AGO2: variants seen among roughly 807,000 people sequenced by gnomAD.
AGO2 encodes argonaute RISC catalytic component 2, also known as protein argonaute-2.
AGO2 carries 5 observed loss-of-function variants against 102.3 expected under a neutral mutation model. The ratio of observed to expected loss-of-function variants is 0.05; its 90% CI spans 0.03 to 0.10. The LOEUF (loss-of-function observed/expected upper bound fraction) is 0.10. AGO2 is among the 10% of genes least tolerant of loss of function. The probability of loss-of-function intolerance (pLI) is 1.00; values close to 1 mark genes in which losing one functional copy is unlikely to be tolerated. For missense variants in AGO2, 541 were observed against 1,183.7 expected (o/e 0.46, Z 7.97); for synonymous variants, 449 against 473.1 (o/e 0.95, Z 0.66).
At position 140,529,736 on chromosome 8, in the gene AGO2, G is replaced by A. The variant is rs892859330; in HGVS notation, c.*2308C>T. On this transcript the variant is annotated 3_prime_UTR_variant, in exon 19 of 19. Coordinates refer to ENST00000220592, the MANE Select transcript of AGO2 (RefSeq NM_012154.5). ...GCCCAGGGCTGCAGGCCATCGCTTA[G>A]ACACAGATGCCCTGGCCATCCCTGA... The A allele has an allele frequency of 4.6e-5, 7 of 152,184 alleles. No homozygotes were observed. The highest frequency in any genetic ancestry group is 1.7e-4 in the African/African-American group (7 of 41,430). 9.4% of individuals were successfully genotyped at this position (152,184 alleles called of 1,614,324 possible).
At position 140,535,498 on chromosome 8, in the gene AGO2, G is replaced by A. The variant is rs2072680544; in HGVS notation, c.2241C>T (p.Asp747=). 1.3e-5 allele frequency: 21 copies of A among 1,614,242 alleles called. No homozygotes were observed. The highest frequency in any genetic ancestry group is 1.8e-5 in the Non-Finnish European group (21 of 1,180,032). Residue 747 remains aspartate, a synonymous_variant, in exon 17 of 19, where the codon GAC becomes GAT. Transcript: ENST00000220592. Reference sequence around the variant, plus strand: ...TGCCAGCGTGACTACACAGGTAGAAGTCGAACTCGGTGGGGTGGGTGATTT... The same window carrying A: ...TGCCAGCGTGACTACACAGGTAGAAATCGAACTCGGTGGGGTGGGTGATTT... The part of the protein sequence containing the change: ...DTKITHPTEF[D]FYLCSHAGIQ...
intron 13 of AGO2, among the ~76,000 whole-genome samples, chr8:140,544,927 G>T (rs2072872944): frequency 6.6e-6 from 1 of 152,200 alleles, no homozygotes; most frequent in Non-Finnish European, 1.5e-5. Flanking sequence ...TGGGCCTCGG[G>T]CTCTCCGGGG....
chr8:140,535,920 G>A (rs1199715697), intron 16 of AGO2, among the ~76,000 whole-genome samples: 5 of 152,180 alleles, frequency 3.3e-5, no homozygotes, highest in African/African-American at 4.8e-5. Flanking sequence ...TGTCACCAAC[G>A]TACACATCTA....
rs1439289226 is a variant in AGO2 at position 140,524,933 on chromosome 8, G to A, written c.*7111C>T. The A allele has an allele frequency of 6.6e-6, 1 of 152,154 alleles. No homozygotes were observed. Among genetic ancestry groups the A allele is most frequent in the Admixed American group, 6.5e-5 (1 of 15,276 alleles). The allele number at this position is 152,154 out of a possible 1,614,324, so 9.4% of individuals were successfully genotyped here. ...AGAATGGCCCCAACGTCCAGTTCCT[G>A]GAGACACTTGGGGGAAAGAGTTAAT... is the stretch of plus-strand genomic sequence containing the variant. On this transcript the variant is annotated 3_prime_UTR_variant, in exon 19 of 19. Transcript: ENST00000220592.
chr8:140,609,840 GAA>G (rs1055552694), intron 1 of AGO2, among the ~76,000 whole-genome samples: 1 of 151,432 alleles, frequency 6.6e-6, no homozygotes, highest in African/African-American at 2.4e-5. Flanking sequence ...TCCCGGCACA[GAA>G]AAAGACAGAC....
chr8:140,582,114 A>G (rs2073567201), intron 2 of AGO2, among the ~76,000 whole-genome samples: 1 of 152,266 alleles, frequency 6.6e-6, no homozygotes, highest in African/African-American at 2.4e-5. Context: ...ATTATTCTAT[A>G]TACTTGGAAA....
chr8:140,569,205 T>C (rs1337614760), intron 3 of AGO2, among the ~76,000 whole-genome samples: 2 of 152,318 alleles, frequency 1.3e-5, no homozygotes, highest in East Asian at 1.9e-4. Flanking sequence ...CGAACTACCA[T>C]GTCCTTCAAC....
rs2072780168 is a variant in AGO2 at position 140,540,625 on chromosome 8, T to C, written c.2034+539A>G. 6.6e-6 allele frequency among the ~76,000 whole-genome samples: 1 copy of C among 152,150 alleles called. No individual in the cohort carries two copies. ...ACCCCTCTGTGATGGCTTCCCTGCC[T>C]GTCCAGACTCAGCAGTGACCCATTG... On this transcript the variant is annotated intron_variant, in intron 15 of 18. Coordinates refer to ENST00000220592, the MANE Select transcript of AGO2 (RefSeq NM_012154.5). The surrounding 1 kb of genome is among the most constrained non-coding windows in gnomAD (Gnocchi z 5.0).
At chr8:140,546,004 T>A (rs1224410895) in intron 13 of AGO2, among the ~76,000 whole-genome samples, 1 of 152,220 alleles carries the variant, frequency 6.6e-6, no homozygotes, top group African/African-American at 2.4e-5. Flanking sequence ...GCCTGTACGA[T>A]GGGCTCATGA....
intron 1 of AGO2, among the ~76,000 whole-genome samples, chr8:140,622,189 C>A (rs1218382096): frequency 6.6e-6 from 1 of 152,210 alleles, no homozygotes; most frequent in East Asian, 1.9e-4. Flanking sequence ...CAGGTCAATC[C>A]AGTGAGACGG....
upstream of AGO2, among the ~76,000 whole-genome samples, chr8:140,639,453 C>G (rs1393647847): frequency 6.8e-6 from 1 of 147,540 alleles, no homozygotes; most frequent in Non-Finnish European, 1.5e-5. Context: ...TGCACTCCAA[C>G]CTGGAGGACA....
At position 140,531,875 on chromosome 8, in the gene AGO2, A is replaced by C. The variant is rs554334860; in HGVS notation, c.*169T>G. On this transcript the variant is annotated 3_prime_UTR_variant, in exon 19 of 19. Transcript: ENST00000220592. ...ATACAGGTCTGCAGTTCAAAATCCA[A>C]GTTTGAAATCTGGGACGGAAGGCAT... 1.6e-6 allele frequency: 1 copy of C among 621,858 alleles called. No homozygotes were observed. Among genetic ancestry groups the C allele is most frequent in the Non-Finnish European group, 2.8e-6 (1 of 354,258 alleles). 38.5% of individuals were successfully genotyped at this position (621,858 alleles called of 1,614,324 possible).
At chr8:140,626,359 A>T (rs1481289342) in intron 1 of AGO2, 1 of 152,174 alleles carries the variant, frequency 6.6e-6, no homozygotes, top group Non-Finnish European at 1.5e-5. Context: ...CCTGCTTGCA[A>T]AGTAAAGACC....
chr8:140,549,906 C>T (rs1010841803), intron 11 of AGO2, among the ~76,000 whole-genome samples: 2 of 152,174 alleles, frequency 1.3e-5, no homozygotes, highest in African/African-American at 4.8e-5. Context: ...CTATTTTAAG[C>T]CGAAGACTAA....
chr8:140,639,812 A>G (rs1169028468), upstream of AGO2, among the ~76,000 whole-genome samples: 2 of 152,074 alleles, frequency 1.3e-5, no homozygotes, highest in Non-Finnish European at 2.9e-5. Flanking sequence ...CCTCTTTAAA[A>G]TCTGCCAGTG....
At chr8:140,552,445 A>T (rs1449853391) in intron 10 of AGO2, among the ~76,000 whole-genome samples, 3 of 152,174 alleles carry the variant, frequency 2.0e-5, no homozygotes, top group Non-Finnish European at 2.9e-5. Context: ...GCCTGGGGGC[A>T]TTGCTAAAGG....
chr8:140,572,883 C>T lies in AGO2; in HGVS notation c.265G>A (p.Asp89Asn), dbSNP rs2073404440. ...CTGCCGTCAAACACGGGCTTCCGAT[C>T]CCCAAAGATCTGTGTTTTAAAGTGC... ...VQHFKTQIFG[D>N]RKPVFDGRKN... Residue 89 changes from aspartate to asparagine, a missense_variant, in exon 3 of 19, where the codon GAT (aspartate) becomes AAT (asparagine). By Grantham distance (23) the Asp-to-Asn change is conservative. Transcript: ENST00000220592. The T allele has an allele frequency of 6.2e-7, 1 of 1,614,116 alleles. No homozygotes were observed. Among genetic ancestry groups the T allele is most frequent in the African/African-American group, 1.3e-5 (1 of 75,036 alleles).
chr8:140,634,586 C>T (rs769134674), intron 1 of AGO2, among the ~76,000 whole-genome samples: 139 of 152,386 alleles, frequency 9.1e-4, no homozygotes, highest in Middle Eastern at 3.4e-3. Context: ...CCGCCTTCTA[C>T]TCTGCATTTA....
At chr8:140,558,440 A>T in intron 7 of AGO2, 45 bp downstream of exon 7, 1 of 1,595,576 alleles carries the variant, frequency 6.3e-7, no homozygotes, top group Non-Finnish European at 8.6e-7. Flanking sequence ...TCGGAGTGAC[A>T]GTGGGGGCCC....
Sources: gnomAD v4.1 joint callset for allele counts (sites outside exome capture counted in the v4.1 genomes callset) on GRCh38, gnomAD v4.1.1 for gene constraint, Gnocchi (gnomAD v3.1) non-coding constraint, MANE v1.5 for transcripts, NCBI Gene and HGNC (gene_info 2026-07-23, HGNC 2026-07-21) for gene names.